The following CYP39A1 variants were observed in gnomAD, a reference collection of about 807,000 sequenced individuals.
CYP39A1 encodes the protein cytochrome P450 family 39 subfamily A member 1.
In CYP39A1, 49 loss-of-function variants were observed where a neutral mutation model predicts 58.1. The observed-to-expected ratio is 0.84, with a 90% CI of 0.67 to 1.07. The LOEUF is 1.07. Among genes scored for constraint, CYP39A1 ranks in the 50% least tolerant of loss-of-function variants. The pLI is 0.00. For synonymous variants in CYP39A1, 209 were observed against 187.6 expected, an observed-to-expected ratio of 1.11 and a Z score of -0.93; for missense variants, 531 against 539.4, an observed-to-expected ratio of 0.98 and a Z score of 0.16.
chr6:46,633,893 C>A (rs1281719290), intron 5 of CYP39A1, among the ~76,000 whole-genome samples: 1 of 152,048 alleles, frequency 6.6e-6, no homozygotes, highest in Non-Finnish European at 1.5e-5. Context: ...ACACAAAACA[C>A]ACAAACACAC....
intron 2 of CYP39A1, among the ~76,000 whole-genome samples, chr6:46,641,021 C>T (rs774398000): frequency 1.4e-4 from 21 of 151,652 alleles, no homozygotes; most frequent in Non-Finnish European, 2.8e-4. Flanking sequence ...TGCTACTATA[C>T]ATCTTCTGTA....
Position 46,608,877 on chromosome 6 carries a change from G to C in CYP39A1, c.932-12757C>G, listed in dbSNP as rs538839918. Reference sequence around the variant, plus strand: ...GATCCACCCACCTCGGCCTCCCAAAGTGCTGGGATTATAGGCGTGAGCCAT... The same window carrying C: ...GATCCACCCACCTCGGCCTCCCAAACTGCTGGGATTATAGGCGTGAGCCAT... On this transcript the variant is annotated intron_variant, in intron 7 of 11. Coordinates refer to ENST00000275016, the MANE Select transcript of CYP39A1 (RefSeq NM_016593.5). Among the ~76,000 whole-genome samples the C allele has an allele frequency of 2.2e-4, 34 of 151,972 alleles. 1 individual carries two copies. The South Asian group carries it at 7.1e-3, about 32-fold the overall frequency.
intron 10 of CYP39A1, among the ~76,000 whole-genome samples, chr6:46,563,017 A>G (rs1274741682): frequency 6.6e-6 from 1 of 151,952 alleles, no homozygotes; most frequent in African/African-American, 2.4e-5. Flanking sequence ...AGATTTTGAT[A>G]TCTTAAAGGA....
At chr6:46,587,191 C>G in intron 9 of CYP39A1, 26 bp from the exon 10 acceptor site, 1 of 1,408,814 alleles carries the variant, frequency 7.1e-7, no homozygotes, top group Non-Finnish European at 1.0e-6. Context: ...ATTTTTTTTT[C>G]CAAATCAGCC....
At chr6:46,583,114 C>T (rs1446925216) in intron 10 of CYP39A1, 1 of 985,338 alleles carries the variant, frequency 1.0e-6, no homozygotes, top group Non-Finnish European at 1.2e-6. Flanking sequence ...AAGTAAAAAT[C>T]ACACTTTCTA....
intron 7 of CYP39A1, among the ~76,000 whole-genome samples, chr6:46,607,363 TAAA>T (rs78099617): frequency 2.8e-5 from 4 of 140,806 alleles, no homozygotes; most frequent in Non-Finnish European, 4.7e-5. Context: ...TTCTTGGGCT[TAAA>T]AAAAAAAAAA....
At chr6:46,644,720 A>C (rs1009976366) in intron 1 of CYP39A1, among the ~76,000 whole-genome samples, 1 of 152,150 alleles carries the variant, frequency 6.6e-6, no homozygotes, top group Non-Finnish European at 1.5e-5. Context: ...GAAACTGAGA[A>C]AGTGTTTTCT....
At chr6:46,598,803 A>T (rs2150528333) in intron 7 of CYP39A1, among the ~76,000 whole-genome samples, 1 of 152,288 alleles carries the variant, frequency 6.6e-6, no homozygotes, top group East Asian at 1.9e-4. Context: ...ACAATGTTAA[A>T]ATGAGAAATC....
chr6:46,572,297 T>C lies in CYP39A1; in HGVS notation c.1250+14780A>G, dbSNP rs142412613. On this transcript the variant is annotated intron_variant, in intron 10 of 11. Transcript: ENST00000275016. ...TTTCATGCATTTTTATGTTATTAATTTGTGTCCTTTCATTTAAGCTTGAAG... is the reference window on the plus strand; with the variant it reads ...TTTCATGCATTTTTATGTTATTAATCTGTGTCCTTTCATTTAAGCTTGAAG... Among the ~76,000 whole-genome samples, 20 of 152,262 alleles carry C rather than the reference T, an allele frequency of 1.3e-4. No homozygotes were observed. The East Asian group carries it at 3.9e-3, about 29-fold the overall frequency.
At chr6:46,600,066 GGA>G (rs773890527) in intron 7 of CYP39A1, among the ~76,000 whole-genome samples, 2 of 151,970 alleles carry the variant, frequency 1.3e-5, no homozygotes, top group Non-Finnish European at 2.9e-5. Context: ...GAATGATAGG[GGA>G]GAGAGGAGCA....
intron 5 of CYP39A1, among the ~76,000 whole-genome samples, chr6:46,633,242 T>C (rs970956398): frequency 2.0e-5 from 3 of 149,848 alleles, no homozygotes; most frequent in African/African-American, 7.7e-5. Flanking sequence ...TTGTCTCTAT[T>C]ATACTTATAA....
intron 8 of CYP39A1, among the ~76,000 whole-genome samples, chr6:46,592,643 A>G (rs1375812720): frequency 6.6e-6 from 1 of 152,182 alleles, no homozygotes; most frequent in Non-Finnish European, 1.5e-5. Context: ...AAAATTGTGT[A>G]GATGTGTTTT....
chr6:46,625,525 T>C lies in CYP39A1; in HGVS notation c.841-17A>G, dbSNP rs758601138. 2 of 1,576,360 alleles carry C rather than the reference T, an allele frequency of 1.3e-6. No individual in the cohort carries two copies. The highest frequency in any genetic ancestry group is 2.2e-5 in the East Asian group (1 of 44,478). ...AAATGCAACCTTAAAAAGAAAAACA[T>C]ATATCAAAAATATGAACTTCTTTGA... On this transcript the variant is annotated splice_polypyrimidine_tract_variant and intron_variant, in intron 6 of 11. Coordinates refer to ENST00000275016, the MANE Select transcript of CYP39A1 (RefSeq NM_016593.5).
At chr6:46,622,408 A>G (rs1775013033) in intron 7 of CYP39A1, among the ~76,000 whole-genome samples, 1 of 152,042 alleles carries the variant, frequency 6.6e-6, no homozygotes, top group Admixed American at 6.6e-5. Flanking sequence ...GCTCAAGATG[A>G]CAACCTGAGA....
At chr6:46,580,094 C>G (rs1036694422) in intron 10 of CYP39A1, among the ~76,000 whole-genome samples, 3 of 152,146 alleles carry the variant, frequency 2.0e-5, no homozygotes, top group Non-Finnish European at 4.4e-5. Flanking sequence ...CATTACCTGA[C>G]TTAAAACTAT....
At chr6:46,611,031 TG>T (rs1424061058) in intron 7 of CYP39A1, among the ~76,000 whole-genome samples, 127 of 152,302 alleles carry the variant, frequency 8.3e-4, no homozygotes, top group Non-Finnish European at 9.8e-4. Context: ...AGATTGTCCA[TG>T]GACTCTGGGA....
At chr6:46,619,315 C>G (rs1436752845) in intron 7 of CYP39A1, among the ~76,000 whole-genome samples, 1 of 152,134 alleles carries the variant, frequency 6.6e-6, no homozygotes, top group Non-Finnish European at 1.5e-5. Flanking sequence ...TCATTAAACT[C>G]ATTCAGTAAA....
chr6:46,645,921 T>A lies in CYP39A1; in HGVS notation c.178-3623A>T, dbSNP rs189637712. Reference sequence around the variant, plus strand: ...TTTCTTGAGTTATTTTAAATGGTAATGTATTTTTAATTATGGTTTCCACAT... The same window carrying A: ...TTTCTTGAGTTATTTTAAATGGTAAAGTATTTTTAATTATGGTTTCCACAT... On this transcript the variant is annotated intron_variant, in intron 1 of 11. Coordinates refer to ENST00000275016, the MANE Select transcript of CYP39A1 (RefSeq NM_016593.5). 3.5e-3 allele frequency among the ~76,000 whole-genome samples: 536 copies of A among 152,228 alleles called. 3 individuals are homozygous for A. The highest frequency in any genetic ancestry group is 0.012 in the African/African-American group (508 of 41,552).
intron 7 of CYP39A1, among the ~76,000 whole-genome samples, chr6:46,615,755 A>T (rs889842055): frequency 2.6e-5 from 4 of 151,844 alleles, no homozygotes; most frequent in Admixed American, 1.3e-4. Context: ...AAGGACAAAC[A>T]TCTTCCAACA....
Sources: allele counts gnomAD v4.1 joint callset (sites outside exome capture counted in the v4.1 genomes callset), GRCh38; gene constraint gnomAD v4.1.1; transcripts MANE v1.5; gene names NCBI Gene and HGNC (gene_info 2026-07-23, HGNC 2026-07-21).